ZFAND3: variants seen among roughly 807,000 people sequenced by gnomAD.
The protein encoded by ZFAND3 is AN1-type zinc finger protein 3.
Under a neutral mutation model 29.6 loss-of-function variants are expected in ZFAND3, and 10 were observed. That is an observed-to-expected ratio of 0.34 (90% CI 0.21 to 0.57). The LOEUF (loss-of-function observed/expected upper bound fraction) is 0.57, where lower values mean the gene tolerates loss of function less well. Ranked by LOEUF, ZFAND3 falls within the 20% of genes least tolerant of loss-of-function variation. The pLI is 0.86. For synonymous variants in ZFAND3, 128 were observed against 112.6 expected (o/e 1.14, Z -0.87); for missense variants, 230 against 304.5 (o/e 0.76, Z 1.82).
chr6:37,872,723 C>T (rs1212789469), intron 1 of ZFAND3, among the ~76,000 whole-genome samples: 4 of 152,160 alleles, frequency 2.6e-5, no homozygotes, highest in South Asian at 2.1e-4. Flanking sequence ...ATTCTCATTG[C>T]TGGGAAGTAT....
At chr6:37,838,003 C>A (rs1425001847) in intron 1 of ZFAND3, among the ~76,000 whole-genome samples, 2 of 152,164 alleles carry the variant, frequency 1.3e-5, no homozygotes, top group African/African-American at 4.8e-5. Context: ...TGATTTCACA[C>A]CCTTCTGTTT....
intron 2 of ZFAND3, among the ~76,000 whole-genome samples, chr6:38,034,760 G>A (rs916526779): frequency 9.2e-5 from 14 of 152,076 alleles, no homozygotes; most frequent in Non-Finnish European, 1.8e-4. Flanking sequence ...TCCTCAGCAG[G>A]AATTGTAGCT....
intron 3 of ZFAND3, among the ~76,000 whole-genome samples, chr6:38,065,230 C>T (rs575903193): frequency 1.3e-5 from 2 of 151,840 alleles, no homozygotes; most frequent in East Asian, 1.9e-4. Context: ...GCAGGGGAAT[C>T]GCTTGAACCC....
intron 4 of ZFAND3, among the ~76,000 whole-genome samples, chr6:38,098,786 G>A (rs1401245650): frequency 6.6e-6 from 1 of 152,136 alleles, no homozygotes; most frequent in African/African-American, 2.4e-5. Flanking sequence ...ACAGGCATGA[G>A]CCACCGAGCC....
At chr6:38,077,293 T>C (rs988282809) in intron 3 of ZFAND3, among the ~76,000 whole-genome samples, 1 of 152,144 alleles carries the variant, frequency 6.6e-6, no homozygotes, top group African/African-American at 2.4e-5. Context: ...ACTGTGAGCC[T>C]GGAAAAGTGA....
chr6:37,955,382 C>CA (rs2127422419), intron 2 of ZFAND3, among the ~76,000 whole-genome samples: 1 of 152,186 alleles, frequency 6.6e-6, no homozygotes, highest in Admixed American at 6.5e-5. Flanking sequence ...TCAAGGGAAC[C>CA]AAAGTTTGGT....
At chr6:38,017,983 C>T (rs973348631) in intron 2 of ZFAND3, among the ~76,000 whole-genome samples, 1 of 152,144 alleles carries the variant, frequency 6.6e-6, no homozygotes, top group Non-Finnish European at 1.5e-5. Flanking sequence ...CCCTTCCCTC[C>T]TTTTTGCGGA....
At chr6:37,845,936 T>G (rs1272366898) in intron 1 of ZFAND3, among the ~76,000 whole-genome samples, 2 of 152,200 alleles carry the variant, frequency 1.3e-5, no homozygotes, top group East Asian at 3.8e-4. Context: ...AAATGAAACA[T>G]TATTTTTGGA....
intron 1 of ZFAND3, among the ~76,000 whole-genome samples, chr6:37,866,714 G>A (rs887621146): frequency 1.3e-5 from 2 of 152,068 alleles, no homozygotes; most frequent in Non-Finnish European, 1.5e-5. Context: ...TTGGTGTAGT[G>A]TATTATCCAG....
intron 1 of ZFAND3, among the ~76,000 whole-genome samples, chr6:37,913,973 C>T (rs1253763698): frequency 3.3e-5 from 5 of 152,038 alleles, no homozygotes; most frequent in African/African-American, 1.2e-4. Context: ...GTTCTGCTCA[C>T]CTCAGCCTCC....
At chr6:37,929,928 T>A (rs1370954760) in intron 1 of ZFAND3, 31 bp from the exon 2 acceptor site, 3 of 1,575,592 alleles carry the variant, frequency 1.9e-6, no homozygotes, top group Non-Finnish European at 2.6e-6. Context: ...TTTTAGCTCT[T>A]CTTTCTTTCT....
chr6:37,891,609 A>AAATC (rs1765104913), intron 1 of ZFAND3, among the ~76,000 whole-genome samples: 1 of 152,070 alleles, frequency 6.6e-6, no homozygotes, highest in African/African-American at 2.4e-5. Context: ...ATAAATAAAT[A>AAATC]AATCATAGAA....
At chr6:37,880,002 C>G (rs1162653892) in intron 1 of ZFAND3, among the ~76,000 whole-genome samples, 3 of 152,168 alleles carry the variant, frequency 2.0e-5, no homozygotes, top group African/African-American at 7.2e-5. Context: ...AATTCACCAG[C>G]TTTTAGAGGT....
chr6:38,026,758 G>A (rs745573623), intron 2 of ZFAND3, among the ~76,000 whole-genome samples: 1 of 150,140 alleles, frequency 6.7e-6, no homozygotes, highest in African/African-American at 2.5e-5. Flanking sequence ...TTATGTGGTA[G>A]ATATTATGGC....
At chr6:37,839,615 A>G (rs1481277084) in intron 1 of ZFAND3, among the ~76,000 whole-genome samples, 1 of 151,470 alleles carries the variant, frequency 6.6e-6, no homozygotes, top group Non-Finnish European at 1.5e-5. Flanking sequence ...CCCGGGTTCA[A>G]GTGATTCTCC....
intron 2 of ZFAND3, among the ~76,000 whole-genome samples, chr6:38,033,831 A>G (rs760886191): frequency 3.3e-5 from 5 of 152,300 alleles, no homozygotes; most frequent in African/African-American, 4.8e-5. Context: ...GGGTATCTCT[A>G]TGACAACTCT....
chr6:38,136,940 C>T (rs1214556005), intron 5 of ZFAND3, among the ~76,000 whole-genome samples: 3 of 152,236 alleles, frequency 2.0e-5, no homozygotes, highest in Admixed American at 6.5e-5. Context: ...TATGTTAATA[C>T]TCTTGCATCA....
chr6:38,054,410 A>AC (rs1289273842), intron 2 of ZFAND3, among the ~76,000 whole-genome samples: 1 of 151,262 alleles, frequency 6.6e-6, no homozygotes, highest in Non-Finnish European at 1.5e-5. Flanking sequence ...AAAAAAAAAA[A>AC]AAAACAAGGA....
chr6:38,103,107 C>T (rs552510889), intron 4 of ZFAND3, among the ~76,000 whole-genome samples: 4 of 152,138 alleles, frequency 2.6e-5, no homozygotes, highest in Middle Eastern at 3.4e-3. Flanking sequence ...ACAGCATTGC[C>T]CATCTTAAAC....
Sources: allele counts gnomAD v4.1 joint callset (sites outside exome capture counted in the v4.1 genomes callset), GRCh38; gene constraint gnomAD v4.1.1; transcripts MANE v1.5; gene names NCBI Gene and HGNC (gene_info 2026-07-23, HGNC 2026-07-21).